Variants in CARNS1 observed in about 807,000 individuals in gnomAD.
CARNS1 encodes ATP-grasp domain containing 1.
CARNS1 carries 61 observed loss-of-function variants against 74.0 expected under a neutral mutation model. The ratio of observed to expected loss-of-function variants is 0.82; its 90% CI spans 0.67 to 1.02. CARNS1 has a LOEUF of 1.02. CARNS1 is among the 50% of genes least tolerant of loss of function. The pLI, the probability that CARNS1 is intolerant of heterozygous loss-of-function variation, is 0.00. For missense variants in CARNS1, 1,278 were observed against 1,308.4 expected, an observed-to-expected ratio of 0.98 and a Z score of 0.36; for synonymous variants, 568 against 605.5, an observed-to-expected ratio of 0.94 and a Z score of 0.91.
In CARNS1 at chr11:67,423,314, C is replaced by T; in HGVS notation, c.1627-61C>T. 1 of 1,532,106 alleles carries T rather than the reference C, an allele frequency of 6.5e-7. No homozygotes were observed. Among genetic ancestry groups the T allele is most frequent in the South Asian group, 1.3e-5 (1 of 79,266 alleles). The allele number at this position is 1,532,106 out of a possible 1,614,324, so 94.9% of individuals were successfully genotyped here. A position where few individuals can be genotyped will look rare whatever the true frequency, so the allele number is the denominator to read the frequency against. ...TGAAGGGGCCATCCTAGGCCCCATC[C>T]TATCCCCCTAGCACCCAGTACTAGC... On this transcript the variant is annotated intron_variant, in intron 9 of 9. Transcript: ENST00000687366. This position sits in a 1 kb window ranked among gnomAD's most constrained non-coding sequence, Gnocchi z 5.1.
chr11:67,423,912 A>G lies in CARNS1; in HGVS notation c.2164A>G (p.Met722Val). ...CATTGGGCTGGGCTGGGGCAATGCC[A>G]TGCTGCTGATGGAGTTTGTGGAGGG... ...PGIGLGWGNA[M>V]LLMEFVEGTE... is the part of the protein sequence containing the mutation. Residue 722 changes from methionine (M) to valine (V), a missense_variant, in exon 10 of 10, where the codon ATG (methionine) becomes GTG (valine). By Grantham distance (21) the Met-to-Val change is conservative. This residue lies in a region of CARNS1 where 1,164 missense variants were observed against 1,156.5 expected (regional missense o/e 1.01). Transcript: ENST00000687366. The surrounding 1 kb of genome is among the most constrained non-coding windows in gnomAD (Gnocchi z 5.1). The G allele has an allele frequency of 6.2e-7, 1 of 1,613,708 alleles. No individual in the cohort carries two copies. The highest frequency in any genetic ancestry group is 1.7e-5 in the Admixed American group (1 of 60,022).
chr11:67,418,797 G>C lies in CARNS1; in HGVS notation c.406G>C (p.Val136Leu). 6.2e-7 allele frequency: 1 copy of C among 1,600,842 alleles called. No homozygotes were observed. Among genetic ancestry groups the C allele is most frequent in the African/African-American group, 1.3e-5 (1 of 74,604 alleles). Residue 136 changes from valine to leucine, a missense_variant, in exon 5 of 10, where the codon GTG becomes CTG. Coordinates refer to ENST00000687366, the MANE Select transcript of CARNS1 (RefSeq NM_001166222.2). Reference sequence around the variant, plus strand: ...CCTGTCCCCTGCTTGGCTGATGAAGGTGCCAGCACCCGGGCAGCCGGGTGA... The same window carrying C: ...CCTGTCCCCTGCTTGGCTGATGAAGCTGCCAGCACCCGGGCAGCCGGGTGA... Reference protein sequence around the residue: ...LCLSPAWLMKVPAPGQPGEAA... With the variant: ...LCLSPAWLMKLPAPGQPGEAA...
intron 7 of CARNS1, 62 bp from the exon 8 acceptor site, chr11:67,420,547 G>GT (rs1863667486): frequency 9.2e-7 from 1 of 1,081,162 alleles, no homozygotes; most frequent in South Asian, 4.6e-5. Flanking sequence ...GCACAAGGCG[G>GT]TGGGGGTGTG....
In CARNS1 at chr11:67,419,383, T is replaced by C. The variant is rs1435418834; in HGVS notation, c.853-104T>C. ...CTGCCCCATCTCTGGGGCAATCCCCTGCCCTTTTGCCTCAGTTTACTCACC... is the reference window on the plus strand; with the variant it reads ...CTGCCCCATCTCTGGGGCAATCCCCCGCCCTTTTGCCTCAGTTTACTCACC... On this transcript the variant is annotated intron_variant, in intron 5 of 9. Coordinates refer to ENST00000687366, the MANE Select transcript of CARNS1 (RefSeq NM_001166222.2). 2.4e-5 allele frequency: 36 copies of C among 1,507,962 alleles called. No individual in the cohort carries two copies. In the South Asian group the frequency reaches 3.4e-4, roughly 14 times the overall value. The allele number at this position is 1,507,962 out of a possible 1,614,324, so 93.4% of individuals were successfully genotyped here. A position where few individuals can be genotyped will look rare whatever the true frequency, so the allele number is the denominator to read the frequency against.
At chr11:67,416,835 G>A (rs192728656) in intron 2 of CARNS1, 10 of 986,592 alleles carry the variant, frequency 1.0e-5, no homozygotes, top group Non-Finnish European at 1.2e-5. Context: ...CTGCAGGGGG[G>A]ATACTGTCTA....
At chr11:67,422,564 C>T (rs1407546382) in intron 9 of CARNS1, among the ~76,000 whole-genome samples, 4 of 151,552 alleles carry the variant, frequency 2.6e-5, no homozygotes, top group South Asian at 2.1e-4. Flanking sequence ...TGAGCTCAAG[C>T]GATCCTCCTG....
chr11:67,416,263 G>C, intron 2 of CARNS1, 61 bp downstream of exon 2: 1 of 1,536,760 alleles, frequency 6.5e-7, no homozygotes, highest in Non-Finnish European at 8.7e-7. Flanking sequence ...AGTGGGCCCA[G>C]AGGACAGCAG....
Position 67,418,853 on chromosome 11 carries a change from CT to C in CARNS1, c.464del (p.Phe155SerfsTer6). The C allele has an allele frequency of 5.6e-6, 9 of 1,600,886 alleles. No individual in the cohort carries two copies. The highest frequency in any genetic ancestry group is 7.7e-6 in the Non-Finnish European group (9 of 1,174,116). ...CCCTGCTAGTCTCCAAGGCTGTGAG[CT>C]TCCACCCTGGGGGCCTGACATTCCT... The part of the protein sequence containing the change: ...AALLVSKAVS[F>X]HPGGLTFLDD... On this transcript the variant is annotated frameshift_variant, in exon 5 of 10. Transcript: ENST00000687366. LOFTEE classifies it high-confidence loss of function.
intron 2 of CARNS1, chr11:67,416,799 G>C (rs1000382916): frequency 2.1e-5 from 21 of 986,272 alleles, no homozygotes; most frequent in Non-Finnish European, 2.5e-5. Context: ...TTCATCCAAA[G>C]AAAGCATTTC....
Position 67,421,040 on chromosome 11 carries a change from C to A in CARNS1, c.1447C>A (p.Leu483Met). 7.3e-7 allele frequency: 1 copy of A among 1,360,598 alleles called. No individual in the cohort carries two copies. Among genetic ancestry groups the A allele is most frequent in the Non-Finnish European group, 9.4e-7 (1 of 1,067,296 alleles). The allele number at this position is 1,360,598 out of a possible 1,614,324, so 84.3% of individuals were successfully genotyped here. ...CLEACGALEGLWAAPRLGPAA... is the reference protein window; with the variant it reads ...CLEACGALEGMWAAPRLGPAA... ...GGAGGCGTGCGGCGCGCTGGAGGGG[C>A]TGTGGGCCGCGCCGCGGCTGGGGCC... is the stretch of plus-strand genomic sequence containing the variant. The change falls in exon 9 of 10, where the codon CTG (leucine) becomes ATG (methionine). Residue 483 changes from leucine (L) to methionine (M), a missense_variant. Around this residue, in one of 3 missense-constraint regions of CARNS1, gnomAD observed 1,164 missense variants for 1,156.5 expected, o/e 1.01. Transcript: ENST00000687366.
At chr11:67,419,867 C>G in intron 7 of CARNS1, 29 bp downstream of exon 7, 1 of 1,553,900 alleles carries the variant, frequency 6.4e-7, no homozygotes, top group Non-Finnish European at 8.7e-7. Flanking sequence ...CAGGCTGTGA[C>G]CCTGCCTGCC....
chr11:67,425,554 T>A lies in CARNS1; in HGVS notation c.*953T>A, dbSNP rs906207651. On this transcript the variant is annotated 3_prime_UTR_variant, in exon 10 of 10. Transcript: ENST00000687366. ...TCCTGCCTCTGTGCAGCAGAGGAGC[T>A]GGAGGCAGCTCCCCAGGCATCCCTC... The A allele has an allele frequency of 2.4e-5, 4 of 164,922 alleles. No homozygotes were observed. The highest frequency in any genetic ancestry group is 2.7e-5 in the Non-Finnish European group (2 of 74,610). 10.2% of individuals were successfully genotyped at this position (164,922 alleles called of 1,614,324 possible).
intron 9 of CARNS1, among the ~76,000 whole-genome samples, chr11:67,422,114 C>T (rs1368928934): frequency 6.6e-6 from 1 of 150,616 alleles, no homozygotes; most frequent in Non-Finnish European, 1.5e-5. Context: ...CCTCGTGATC[C>T]ACCCGCCTCA....
In CARNS1 at chr11:67,424,597, A is replaced by G; in HGVS notation, c.2849A>G (p.Lys950Arg). Residue 950 changes from lysine to arginine, a missense_variant, in exon 10 of 10, where the codon AAA (lysine) becomes AGA (arginine). Physicochemically the swap from Lys to Arg is conservative, Grantham distance 26. Coordinates refer to ENST00000687366, the MANE Select transcript of CARNS1 (RefSeq NM_001166222.2). ...YPVAHFLSHFK is the reference protein window; with the variant it reads ...YPVAHFLSHFR ...GTTGCCCACTTCCTGTCTCACTTCA[A>G]ATAGCACTGGGGTCAGGGGGCAGGG... The G allele has an allele frequency of 6.2e-7, 1 of 1,604,448 alleles. No individual in the cohort carries two copies.
intron 5 of CARNS1, 36 bp from the exon 6 acceptor site, chr11:67,419,451 G>T (rs777861950): frequency 8.1e-6 from 13 of 1,603,538 alleles, no homozygotes; most frequent in South Asian, 1.1e-5. Context: ...TACCTGGGGT[G>T]GTGTCCAGGA....
chr11:67,415,886 C>T (rs1863533479), intron 1 of CARNS1, 123 bp downstream of exon 1: 1 of 260,744 alleles, frequency 3.8e-6, no homozygotes, highest in Non-Finnish European at 7.4e-6. Context: ...CTACGCCCCC[C>T]ACCCCCGGGA....
chr11:67,416,911 G>A, intron 2 of CARNS1: 1 of 987,238 alleles, frequency 1.0e-6, no homozygotes, highest in Non-Finnish European at 1.2e-6. Flanking sequence ...GGGGATGACA[G>A]TGGAATCACA....
Position 67,420,713 on chromosome 11 carries a change from G to A in CARNS1, c.1218G>A (p.Ala406=), listed in dbSNP as rs1453840095. The part of the protein sequence containing the change: ...ALAQCGLGEE[A]QVAAVRQRVK... The stretch of plus-strand genomic sequence containing the variant: ...CCCAGTGCGGCCTGGGCGAGGAGGC[G>A]CAGGTGGCGGCTGTGCGGCAGCGCG... Residue 406 remains alanine, a synonymous_variant, in exon 8 of 10, where the codon GCG becomes GCA. Coordinates refer to ENST00000687366, the MANE Select transcript of CARNS1 (RefSeq NM_001166222.2). 10 of 1,264,896 alleles carry A rather than the reference G, an allele frequency of 7.9e-6. 1 individual carries two copies. Among genetic ancestry groups the A allele is most frequent in the African/African-American group, 1.5e-5 (1 of 64,672 alleles). The allele number at this position is 1,264,896 out of a possible 1,614,324, so 78.4% of individuals were successfully genotyped here.
In CARNS1 at chr11:67,424,247, C is replaced by T; in HGVS notation, c.2499C>T (p.Asp833=). The part of the protein sequence containing the change: ...RDWILELYGV[D]LLLAAVMVAC... ...GGATCCTGGAGCTCTATGGTGTTGA[C>T]CTGCTGCTGGCTGCTGTTATGGTGG... The change falls in exon 10 of 10, where the codon GAC becomes GAT. Residue 833 remains aspartate, a synonymous_variant. Coordinates refer to ENST00000687366, the MANE Select transcript of CARNS1 (RefSeq NM_001166222.2). The T allele has an allele frequency of 6.2e-7, 1 of 1,613,576 alleles. No individual in the cohort carries two copies. Among genetic ancestry groups the T allele is most frequent in the Non-Finnish European group, 8.5e-7 (1 of 1,179,882 alleles).
Sources: allele counts gnomAD v4.1 joint callset (sites outside exome capture counted in the v4.1 genomes callset), GRCh38; gene constraint gnomAD v4.1.1; regional missense constraint gnomAD v4.1.1; non-coding constraint Gnocchi (gnomAD v3.1); transcripts MANE v1.5; gene names NCBI Gene and HGNC (gene_info 2026-07-23, HGNC 2026-07-21).